PRDX4: variants seen among roughly 807,000 people sequenced by gnomAD.
PRDX4 encodes the protein peroxiredoxin 4.
In PRDX4, 12 loss-of-function variants were observed where a neutral mutation model predicts 20.5. The observed-to-expected ratio is 0.58, with a 90% CI of 0.37 to 0.95. The LOEUF (loss-of-function observed/expected upper bound fraction) is 0.95, where lower values mean the gene tolerates loss of function less well. PRDX4 is among the 40% of genes least tolerant of loss of function. The pLI is 0.01. For missense variants in PRDX4, 180 were observed against 207.3 expected (o/e 0.87, Z 0.81); for synonymous variants, 99 against 87.5 (o/e 1.13, Z -0.73).
intron 6 of PRDX4, among the ~76,000 whole-genome samples, chrX:23,685,198 A>C (rs1158593592): frequency 3.6e-5 from 4 of 111,608 alleles, no homozygotes; most frequent in Admixed American, 2.9e-4. Flanking sequence ...ACTTCTTGGG[A>C]GCTCTCACTG....
chrX:23,670,705 A>G (rs1251709161), intron 1 of PRDX4, among the ~76,000 whole-genome samples: 1 of 112,440 alleles, frequency 8.9e-6, no homozygotes, highest in Non-Finnish European at 1.9e-5. Context: ...TGAACTGTTC[A>G]GTTTCCATTG....
At chrX:23,671,055 T>C (rs1927832800) in intron 1 of PRDX4, among the ~76,000 whole-genome samples, 1 of 112,380 alleles carries the variant, frequency 8.9e-6, no homozygotes, top group Non-Finnish European at 1.9e-5. Context: ...TTATTTTCAC[T>C]AATCCCCATC....
chrX:23,670,251 G>A (rs1402763766), intron 1 of PRDX4, among the ~76,000 whole-genome samples: 1 of 111,281 alleles, frequency 9.0e-6, no homozygotes. Context: ...AATCATTAAG[G>A]CGTGTCATTG....
At chrX:23,667,901 C>T (rs1174223917) in intron 1 of PRDX4, 90 bp downstream of exon 1, 3 of 1,144,425 alleles carry the variant, frequency 2.6e-6, no homozygotes, top group Admixed American at 5.1e-5. Context: ...TTGGGCGGCA[C>T]CCCCTGGGCT....
chrX:23,676,014 G>A lies in PRDX4; in HGVS notation c.476+908G>A, dbSNP rs752393715. Among the ~76,000 whole-genome samples, 258 of 109,327 alleles carry A rather than the reference G, an allele frequency of 2.4e-3. 1 individual carries two copies. Among genetic ancestry groups the A allele is most frequent in the Middle Eastern group, 4.7e-3 (1 of 214 alleles). The allele number at this position is 109,327 out of a possible 115,157, so 94.9% of individuals were successfully genotyped here. ...GTGGTAGCAGGTGCCTGTAATCCCA[G>A]CAACTCAGGAGGCTGAGGCAGGAGA... On this transcript the variant is annotated intron_variant, in intron 3 of 6. Transcript: ENST00000379341.
intron 3 of PRDX4, among the ~76,000 whole-genome samples, chrX:23,678,776 A>G (rs1928000159): frequency 9.0e-6 from 1 of 111,041 alleles, no homozygotes. Context: ...CTCTACAAAA[A>G]AGTGTTTAAA....
At chrX:23,669,091 A>C (rs976067990) in intron 1 of PRDX4, among the ~76,000 whole-genome samples, 1 of 110,045 alleles carries the variant, frequency 9.1e-6, no homozygotes, top group Admixed American at 9.7e-5. Flanking sequence ...ACACCCGGCT[A>C]TTTTTTGTAT....
At chrX:23,684,151 G>T (rs1180236032) in intron 6 of PRDX4, among the ~76,000 whole-genome samples, 1 of 110,245 alleles carries the variant, frequency 9.1e-6, no homozygotes, top group Non-Finnish European at 1.9e-5. Flanking sequence ...AGAAATCAGA[G>T]TACAGACATT....
chrX:23,682,092 G>C (rs948086404), intron 4 of PRDX4, among the ~76,000 whole-genome samples: 15 of 112,175 alleles, frequency 1.3e-4, no homozygotes, highest in Admixed American at 3.8e-4. Context: ...ATGTACATAT[G>C]CACATAGTTT....
At chrX:23,668,649 T>TGA (rs1388824277) in intron 1 of PRDX4, among the ~76,000 whole-genome samples, 8 of 112,539 alleles carry the variant, frequency 7.1e-5, no homozygotes, top group Admixed American at 1.9e-4. Context: ...TCTTGCTTGC[T>TGA]ATTCAGTAAC....
chrX:23,678,796 C>T (rs1167475075), intron 3 of PRDX4, among the ~76,000 whole-genome samples: 2 of 110,745 alleles, frequency 1.8e-5, no homozygotes, highest in Non-Finnish European at 1.9e-5. Context: ...AACATTAGCC[C>T]AGTGGGATGG....
intron 3 of PRDX4, among the ~76,000 whole-genome samples, chrX:23,676,136 CAAAAAAAAA>C (rs55792240): frequency 2.0e-4 from 11 of 54,985 alleles, no homozygotes; most frequent in East Asian, 5.7e-4. Context: ...AACTCCATCT[CAAAAAAAAA>C]AAAAAAAAAA....
chrX:23,674,893 T>C, intron 2 of PRDX4, 97 bp from the exon 3 acceptor site: 2 of 1,072,338 alleles, frequency 1.9e-6, no homozygotes, highest in Non-Finnish European at 2.5e-6. Flanking sequence ...TAATGTGCAT[T>C]TTTATTATTA....
chrX:23,682,834 A>AG (rs1928100682), intron 5 of PRDX4, among the ~76,000 whole-genome samples: 1 of 47,662 alleles, frequency 2.1e-5, no homozygotes, highest in Non-Finnish European at 4.0e-5. Flanking sequence ...TCAAAAAAAA[A>AG]AAAAAAAAAA....
chrX:23,674,088 A>C (rs1303329129), intron 2 of PRDX4, among the ~76,000 whole-genome samples: 1 of 111,058 alleles, frequency 9.0e-6, no homozygotes, highest in African/African-American at 3.3e-5. Context: ...TGCTCCTTAA[A>C]ATACTGAAAA....
chrX:23,667,582 G>A lies in PRDX4; in HGVS notation c.12G>A (p.Leu4=). The A allele has an allele frequency of 8.4e-7, 1 of 1,186,220 alleles. No homozygotes were observed. Among genetic ancestry groups the A allele is most frequent in the Non-Finnish European group, 1.1e-6 (1 of 883,345 alleles). Residue 4 remains leucine (L), a synonymous_variant, in exon 1 of 7, where the codon CTG becomes CTA. Coordinates refer to ENST00000379341, the MANE Select transcript of PRDX4 (RefSeq NM_006406.2). MEA[L]PLLAATTPDH... ...GCGCTCGCGTGGTCATGGAGGCGCT[G>A]CCGCTGCTAGCCGCGACAACTCCGG... is the stretch of plus-strand genomic sequence containing the variant.
At position 23,667,826 on chromosome X, in the gene PRDX4, G is replaced by A; in HGVS notation, c.241+15G>A. 8.3e-7 allele frequency: 1 copy of A among 1,208,048 alleles called. No homozygotes were observed. The highest frequency in any genetic ancestry group is 1.8e-5 in the South Asian group (1 of 56,574). On this transcript the variant is annotated intron_variant, in intron 1 of 6. Transcript: ENST00000379341. ...CAAAGCGAAGAGTAGGTGGTGTCCC[G>A]CCAAAGGGTGGGAGGGGAGATTCCG...
chrX:23,673,577 AC>A (rs1476915743), intron 2 of PRDX4, among the ~76,000 whole-genome samples: 1 of 111,421 alleles, frequency 9.0e-6, no homozygotes, highest in Non-Finnish European at 1.9e-5. Context: ...ACAAGGTGAA[AC>A]CCCGTCTCTA....
At chrX:23,680,901 G>GACTGGGTA (rs1555932842) in intron 4 of PRDX4, among the ~76,000 whole-genome samples, 1 of 109,646 alleles carries the variant, frequency 9.1e-6, no homozygotes, top group Admixed American at 9.8e-5. Context: ...ACAAGAGTGA[G>GACTGGGTA]ACCCTGTCTC....
Sources: gnomAD v4.1 joint callset for allele counts (sites outside exome capture counted in the v4.1 genomes callset) on GRCh38, gnomAD v4.1.1 for gene constraint, MANE v1.5 for transcripts, NCBI Gene and HGNC (gene_info 2026-07-23, HGNC 2026-07-21) for gene names.